RAD18: variants seen among roughly 807,000 people sequenced by gnomAD.
RAD18 encodes the protein E3 ubiquitin-protein ligase RAD18.
In RAD18, 47 loss-of-function variants were observed where a neutral mutation model predicts 60.4. The observed-to-expected ratio is 0.78, with a 90% CI of 0.62 to 0.99. RAD18 has a LOEUF of 0.99. Among genes scored for constraint, RAD18 ranks in the 50% least tolerant of loss-of-function variants. RAD18 has a pLI of 0.00. For synonymous variants in RAD18, 225 were observed against 195.5 expected, an observed-to-expected ratio of 1.15 and a Z score of -1.26; for missense variants, 640 against 593.3, an observed-to-expected ratio of 1.08 and a Z score of -0.82.
Position 8,881,181 on chromosome 3 carries a change from G to T in RAD18, c.*176C>A. ...AGGCAGGAGGCAACTGACCAAGTAA[G>T]GATATTTTGTAACATTTTTCCCCTC... On this transcript the variant is annotated 3_prime_UTR_variant, in exon 13 of 13. Transcript: ENST00000264926. 1.7e-6 allele frequency: 1 copy of T among 582,808 alleles called. No homozygotes were observed. Among genetic ancestry groups the T allele is most frequent in the Non-Finnish European group, 3.0e-6 (1 of 336,872 alleles). The allele number at this position is 582,808 out of a possible 1,614,324, so 36.1% of individuals were successfully genotyped here.
rs1256964424 is a variant in RAD18 at position 8,892,748 on chromosome 3, CT to C, written c.1323-2298del. On this transcript the variant is annotated intron_variant, in intron 11 of 12. Transcript: ENST00000264926. ...TTTCATTCTACTAGTAAAGAATTTA[CT>C]ACTGAAGCTGAAAAGTAAGATGTCA... 2.0e-5 allele frequency among the ~76,000 whole-genome samples: 3 copies of C among 152,162 alleles called. No individual in the cohort carries two copies. The East Asian group carries it at 5.8e-4, about 29-fold the overall frequency.
In RAD18 at chr3:8,916,369, C is replaced by A. The variant is rs557048184; in HGVS notation, c.890-2649G>T. On this transcript the variant is annotated intron_variant, in intron 7 of 12. Coordinates refer to ENST00000264926, the MANE Select transcript of RAD18 (RefSeq NM_020165.4). ...CAAACCTAGCATGATCCAAGTGATACGTAACAGCAATCTACTTCTAGGAGA... is the reference window on the plus strand; with the variant it reads ...CAAACCTAGCATGATCCAAGTGATAAGTAACAGCAATCTACTTCTAGGAGA... 3.9e-5 allele frequency among the ~76,000 whole-genome samples: 6 copies of A among 152,256 alleles called. No homozygotes were observed. The South Asian group carries it at 1.0e-3, about 26-fold the overall frequency.
chr3:8,962,247 G>A (rs1014630381), intron 1 of RAD18, among the ~76,000 whole-genome samples: 1 of 152,146 alleles, frequency 6.6e-6, no homozygotes, highest in Non-Finnish European at 1.5e-5. Context: ...ACAGTCAAGA[G>A]GCAGACAGGA....
intron 12 of RAD18, among the ~76,000 whole-genome samples, chr3:8,883,766 T>A (rs992529023): frequency 2.0e-4 from 30 of 152,308 alleles, no homozygotes; most frequent in African/African-American, 7.0e-4. Context: ...AAAACCCCCA[T>A]GGAAATCTTA....
intron 12 of RAD18, among the ~76,000 whole-genome samples, chr3:8,888,963 A>G (rs1939633239): frequency 6.6e-6 from 1 of 152,216 alleles, no homozygotes. Context: ...GTACAAGAGG[A>G]AAGTAGTTAG....
rs761693926 is a variant in RAD18, at chr3:8,941,620, TTATCAACAACTCTGATGTAGAACCAC to T, written c.425_450del (p.Ser142LysfsTer4). On this transcript the variant is annotated frameshift_variant, in exon 5 of 13. Coordinates refer to ENST00000264926, the MANE Select transcript of RAD18 (RefSeq NM_020165.4). LOFTEE classifies it high-confidence loss of function. ...GGGCTGAATTTGCTTTTATTTTCTT[TTATCAACAACTCTGATGTAGAACCAC>T]TCATTTCTCTGATCAAGAAATTATC... The T allele has an allele frequency of 6.2e-7, 1 of 1,614,180 alleles. No individual in the cohort carries two copies. Among genetic ancestry groups the T allele is most frequent in the East Asian group, 2.2e-5 (1 of 44,878 alleles).
At chr3:8,911,063 A>G (rs1483925997) in intron 9 of RAD18, among the ~76,000 whole-genome samples, 4 of 152,234 alleles carry the variant, frequency 2.6e-5, no homozygotes, top group Non-Finnish European at 5.9e-5. Flanking sequence ...AGATATATCA[A>G]TAGTATAGTT....
chr3:8,929,863 C>T (rs962840377), intron 7 of RAD18, among the ~76,000 whole-genome samples: 4 of 152,212 alleles, frequency 2.6e-5, no homozygotes, highest in African/African-American at 9.6e-5. Context: ...GGCTGGTCTC[C>T]AAATCCTGAC....
At chr3:8,916,297 C>A (rs757571794) in intron 7 of RAD18, among the ~76,000 whole-genome samples, 5 of 152,156 alleles carry the variant, frequency 3.3e-5, no homozygotes, top group Non-Finnish European at 7.3e-5. Flanking sequence ...CTGCCTAAGA[C>A]TGAAGCTAAA....
chr3:8,936,062 A>G lies in RAD18; in HGVS notation c.705-7T>C. ...CTTCCTTTTGTGAACAGAACTGAAA[A>G]GGGGGGAAGATACCTGATGATTATT... On this transcript the variant is annotated splice_region_variant and splice_polypyrimidine_tract_variant and intron_variant, in intron 6 of 12. Coordinates refer to ENST00000264926, the MANE Select transcript of RAD18 (RefSeq NM_020165.4). 2 of 1,511,602 alleles carry G rather than the reference A, an allele frequency of 1.3e-6. No individual in the cohort carries two copies. The highest frequency in any genetic ancestry group is 2.2e-5 in the Admixed American group (1 of 45,126). The allele number at this position is 1,511,602 out of a possible 1,614,324, so 93.6% of individuals were successfully genotyped here.
Position 8,890,436 on chromosome 3 carries a change from G to C in RAD18, c.1338C>G (p.Ile446Met). The C allele has an allele frequency of 6.3e-7, 1 of 1,591,934 alleles. No homozygotes were observed. ...SDSCNSSSSD[I>M]IRDLLEEEEA... ...CCTCTTCTTCTAAAAGATCTCTTAT[G>C]ATGTCTGAACTGGAACTAAAAGGAT... Residue 446 changes from isoleucine to methionine, a missense_variant, in exon 12 of 13, where the codon ATC becomes ATG. Physicochemically the swap from Ile to Met is conservative, Grantham distance 10. Coordinates refer to ENST00000264926, the MANE Select transcript of RAD18 (RefSeq NM_020165.4).
At chr3:8,942,113 A>C in intron 4 of RAD18, among the ~76,000 whole-genome samples, 1 of 152,202 alleles carries the variant, frequency 6.6e-6, no homozygotes, top group East Asian at 1.9e-4. Context: ...TATAGTCTGG[A>C]TGTCGTCTCC....
chr3:8,933,051 G>A (rs528386399), intron 7 of RAD18, among the ~76,000 whole-genome samples: 13 of 152,036 alleles, frequency 8.6e-5, no homozygotes, highest in South Asian at 2.1e-4. Flanking sequence ...AGCCGAGATC[G>A]CGCCATTGCA....
At chr3:8,904,014 T>TTG (rs1277549107) in intron 9 of RAD18, among the ~76,000 whole-genome samples, 2 of 152,210 alleles carry the variant, frequency 1.3e-5, no homozygotes, top group African/African-American at 4.8e-5. Flanking sequence ...ACTCTGTATG[T>TTG]TGTAGATAAC....
intron 11 of RAD18, 135 bp from the exon 12 acceptor site, chr3:8,890,586 G>A (rs1476240715): frequency 8.5e-6 from 5 of 588,054 alleles, no homozygotes; most frequent in African/African-American, 1.9e-5. Context: ...AGAGGAAGGA[G>A]GGAGAGTGGG....
At chr3:8,949,664 G>GGA (rs1002291310) in intron 2 of RAD18, among the ~76,000 whole-genome samples, 6 of 149,488 alleles carry the variant, frequency 4.0e-5, no homozygotes, top group African/African-American at 1.5e-4. Flanking sequence ...TCCCCGAACT[G>GGA]GAGAGAGAGA....
chr3:8,928,049 TAAA>T (rs58756851), intron 7 of RAD18, among the ~76,000 whole-genome samples: 8 of 121,726 alleles, frequency 6.6e-5, no homozygotes, highest in African/African-American at 1.7e-4. Context: ...CCCTAAAACT[TAAA>T]AAAAAAAAAA....
chr3:8,922,479 C>T (rs1013255376), intron 7 of RAD18, among the ~76,000 whole-genome samples: 1 of 152,214 alleles, frequency 6.6e-6, no homozygotes, highest in Non-Finnish European at 1.5e-5. Flanking sequence ...CTGTAGACTC[C>T]ACCTCTGGGG....
intron 1 of RAD18, among the ~76,000 whole-genome samples, chr3:8,962,934 G>A (rs1401365115): frequency 3.3e-5 from 5 of 152,178 alleles, no homozygotes. Flanking sequence ...TTGGCTACGT[G>A]ATTACATACA....
Sources: allele counts gnomAD v4.1 joint callset (sites outside exome capture counted in the v4.1 genomes callset), GRCh38; gene constraint gnomAD v4.1.1; transcripts MANE v1.5; gene names NCBI Gene and HGNC (gene_info 2026-07-23, HGNC 2026-07-21).